Variants in GPC5 observed in about 807,000 individuals in gnomAD.
GPC5 encodes glypican-5.
Under a neutral mutation model 53.9 loss-of-function variants are expected in GPC5, and 47 were observed. The observed-to-expected ratio is 0.87, with a 90% CI of 0.69 to 1.11. GPC5 has a LOEUF of 1.11. Ranked by LOEUF, GPC5 falls within the 50% of genes most tolerant of loss-of-function variation. The probability of loss-of-function intolerance (pLI) is 0.00; values close to 1 mark genes in which losing one functional copy is unlikely to be tolerated. For missense variants in GPC5, 748 were observed against 713.1 expected, an observed-to-expected ratio of 1.05 and a Z score of -0.56; for synonymous variants, 286 against 263.3, an observed-to-expected ratio of 1.09 and a Z score of -0.84.
intron 7 of GPC5, among the ~76,000 whole-genome samples, chr13:92,203,112 TTTAATAA>T (rs2042306638): frequency 1.3e-5 from 2 of 152,168 alleles, no homozygotes; most frequent in Admixed American, 1.3e-4. Flanking sequence ...TAATTTTTAC[TTTAATAA>T]TTTAATATTT....
At chr13:92,513,471 G>GTT (rs35892694) in intron 7 of GPC5, among the ~76,000 whole-genome samples, 81 of 93,438 alleles carry the variant, frequency 8.7e-4, no homozygotes, top group African/African-American at 1.7e-3. Flanking sequence ...GCTTTTTTCT[G>GTT]TTTTTTTTTT....
At chr13:92,509,839 A>T (rs548456833) in intron 7 of GPC5, 20 of 152,352 alleles carry the variant, frequency 1.3e-4, no homozygotes, top group African/African-American at 4.8e-4. Context: ...CTAAGAAATG[A>T]GTGTAGAAAT....
intron 7 of GPC5, among the ~76,000 whole-genome samples, chr13:92,631,969 A>T (rs568389036): frequency 6.6e-6 from 1 of 152,286 alleles, no homozygotes; most frequent in South Asian, 2.1e-4. Flanking sequence ...ATAATCCTCA[A>T]TCTGAAACAT....
At chr13:91,719,250 G>A (rs1381565992) in intron 3 of GPC5, among the ~76,000 whole-genome samples, 1 of 152,190 alleles carries the variant, frequency 6.6e-6, no homozygotes, top group Non-Finnish European at 1.5e-5. Flanking sequence ...CCTGCTGACT[G>A]CTGCCAAAGT....
intron 3 of GPC5, chr13:91,725,197 A>G (rs1566639468): frequency 6.6e-6 from 1 of 152,250 alleles, no homozygotes; most frequent in Non-Finnish European, 1.5e-5. Flanking sequence ...AATCAGTGGG[A>G]AGCCTGGGAA....
intron 7 of GPC5, among the ~76,000 whole-genome samples, chr13:92,406,533 T>C (rs2139343373): frequency 6.6e-6 from 1 of 152,330 alleles, no homozygotes. Context: ...GTACTTAATA[T>C]GAGCCAGGTG....
At position 92,751,150 on chromosome 13, in the gene GPC5, T is replaced by C. The variant is rs540237683; in HGVS notation, c.1562-115132T>C. Among the ~76,000 whole-genome samples the C allele has an allele frequency of 2.6e-4, 39 of 151,918 alleles. 1 individual carries two copies. The highest frequency in any genetic ancestry group is 9.2e-4 in the African/African-American group (38 of 41,454). On this transcript the variant is annotated intron_variant, in intron 7 of 7. Coordinates refer to ENST00000377067, the MANE Select transcript of GPC5 (RefSeq NM_004466.6). ...TTTATTAGAAGTCCAATTTAAGATGTAGACATTTTCTACCAACTGGGAGCT... is the reference window on the plus strand; with the variant it reads ...TTTATTAGAAGTCCAATTTAAGATGCAGACATTTTCTACCAACTGGGAGCT...
intron 7 of GPC5, among the ~76,000 whole-genome samples, chr13:92,353,192 G>A (rs1468807247): frequency 6.8e-6 from 1 of 147,764 alleles, no homozygotes. Flanking sequence ...CCCGGGAAGC[G>A]GAGCTTGCAG....
At chr13:91,959,874 C>G (rs1249352458) in intron 6 of GPC5, among the ~76,000 whole-genome samples, 1 of 151,894 alleles carries the variant, frequency 6.6e-6, no homozygotes, top group Non-Finnish European at 1.5e-5. Flanking sequence ...AGGAAAAGCA[C>G]TTGATAAAAT....
chr13:91,532,406 T>C (rs1886391679), intron 2 of GPC5, among the ~76,000 whole-genome samples: 1 of 152,176 alleles, frequency 6.6e-6, no homozygotes, highest in African/African-American at 2.4e-5. Flanking sequence ...ATTATGGCTT[T>C]TTGTCAAAAA....
chr13:91,775,716 C>T (rs2037700697), intron 5 of GPC5, among the ~76,000 whole-genome samples: 1 of 152,192 alleles, frequency 6.6e-6, no homozygotes, highest in East Asian at 1.9e-4. Context: ...ATCCCTTACA[C>T]TTGATGTATG....
chr13:91,565,625 G>A (rs2031493063), intron 2 of GPC5, among the ~76,000 whole-genome samples: 1 of 152,218 alleles, frequency 6.6e-6, no homozygotes, highest in African/African-American at 2.4e-5. Context: ...AGCCATGGTT[G>A]TTTGTCCTAG....
intron 6 of GPC5, among the ~76,000 whole-genome samples, chr13:91,950,053 G>A (rs140284920): frequency 6.6e-6 from 1 of 152,170 alleles, no homozygotes; most frequent in East Asian, 1.9e-4. Context: ...ATTAAGCTTT[G>A]GAGGGAACAG....
At chr13:92,568,030 G>A (rs1882913635) in intron 7 of GPC5, among the ~76,000 whole-genome samples, 1 of 152,064 alleles carries the variant, frequency 6.6e-6, no homozygotes, top group Middle Eastern at 3.2e-3. Context: ...AGTTTAGTTT[G>A]TTATAATATT....
At chr13:91,405,805 C>T (rs1424994247) in intron 1 of GPC5, among the ~76,000 whole-genome samples, 1 of 152,166 alleles carries the variant, frequency 6.6e-6, no homozygotes, top group Non-Finnish European at 1.5e-5. Context: ...GGGTCTCACT[C>T]TGTCACCCAG....
intron 7 of GPC5, among the ~76,000 whole-genome samples, chr13:92,170,112 AAACT>A (rs1411255304): frequency 1.3e-5 from 2 of 151,994 alleles, no homozygotes; most frequent in African/African-American, 4.8e-5. Context: ...CAATTTGATA[AAACT>A]AACATATTGA....
intron 5 of GPC5, among the ~76,000 whole-genome samples, chr13:91,820,447 C>T (rs1442546095): frequency 5.3e-5 from 8 of 152,266 alleles, no homozygotes; most frequent in Non-Finnish European, 7.3e-5. Flanking sequence ...TTGATTTCCA[C>T]TCGGCCCTCA....
intron 7 of GPC5, among the ~76,000 whole-genome samples, chr13:92,714,351 A>T (rs1219939706): frequency 1.3e-5 from 2 of 152,200 alleles, no homozygotes; most frequent in Non-Finnish European, 2.9e-5. Flanking sequence ...GCTATTTTTC[A>T]TGTGACTATG....
intron 7 of GPC5, among the ~76,000 whole-genome samples, chr13:92,471,083 C>A (rs1401398098): frequency 6.6e-6 from 1 of 152,010 alleles, no homozygotes; most frequent in African/African-American, 2.4e-5. Context: ...CAGCCGTGTC[C>A]TTATCGGGGC....
Sources: allele counts gnomAD v4.1 joint callset (sites outside exome capture counted in the v4.1 genomes callset), GRCh38; gene constraint gnomAD v4.1.1; transcripts MANE v1.5; gene names NCBI Gene and HGNC (gene_info 2026-07-23, HGNC 2026-07-21).